The following POLE2 variants were observed in gnomAD, a reference collection of about 807,000 sequenced individuals.
The protein encoded by POLE2 is DNA polymerase epsilon 2, accessory subunit, also known as DNA polymerase epsilon subunit 2.
In POLE2, 56 loss-of-function variants were observed where a neutral mutation model predicts 79.4. The ratio of observed to expected loss-of-function variants is 0.71; its 90% CI spans 0.57 to 0.88. POLE2 has a LOEUF of 0.88. Among genes scored for constraint, POLE2 ranks in the 40% least tolerant of loss-of-function variants. The pLI is 0.00. For missense variants in POLE2, 598 were observed against 638.9 expected, an observed-to-expected ratio of 0.94 and a Z score of 0.69; for synonymous variants, 212 against 214.0, an observed-to-expected ratio of 0.99 and a Z score of 0.08.
intron 1 of POLE2, among the ~76,000 whole-genome samples, chr14:49,685,017 C>A (rs1436422809): frequency 2.0e-5 from 3 of 152,050 alleles, no homozygotes; most frequent in Admixed American, 2.0e-4. Context: ...TAATTCCTTA[C>A]CTAAATCCCA....
At chr14:49,657,886 C>T (rs1418597760) in intron 10 of POLE2, among the ~76,000 whole-genome samples, 1 of 152,066 alleles carries the variant, frequency 6.6e-6, no homozygotes, top group African/African-American at 2.4e-5. Flanking sequence ...ACCAATTTAT[C>T]CTGGTAGATT....
At chr14:49,674,011 T>G in intron 5 of POLE2, 112 bp downstream of exon 5, 1 of 732,080 alleles carries the variant, frequency 1.4e-6, no homozygotes, top group Non-Finnish European at 2.4e-6. Flanking sequence ...TGACCAACTT[T>G]GGACCACAAA....
intron 9 of POLE2, 39 bp downstream of exon 9, chr14:49,664,587 G>C: frequency 7.7e-7 from 1 of 1,290,974 alleles, no homozygotes. Context: ...TTTTACTGGA[G>C]AATGAGAAGA....
intron 3 of POLE2, among the ~76,000 whole-genome samples, chr14:49,678,941 G>A (rs953751373): frequency 1.3e-5 from 2 of 152,156 alleles, no homozygotes; most frequent in Non-Finnish European, 2.9e-5. Flanking sequence ...ACAGGCATAA[G>A]CCACTGCATC....
At chr14:49,663,031 T>C (rs1212262561) in intron 10 of POLE2, among the ~76,000 whole-genome samples, 1 of 152,220 alleles carries the variant, frequency 6.6e-6, no homozygotes, top group Non-Finnish European at 1.5e-5. Flanking sequence ...CTAGTTGTCT[T>C]ATCTCACTTC....
At chr14:49,669,284 T>C (rs925169359) in intron 6 of POLE2, among the ~76,000 whole-genome samples, 33 of 152,068 alleles carry the variant, frequency 2.2e-4, no homozygotes, top group African/African-American at 7.7e-4. Flanking sequence ...GAGGCCAGAG[T>C]GTATCTGGGG....
At chr14:49,655,121 A>G in intron 11 of POLE2, 27 bp from the exon 12 acceptor site, 1 of 1,126,344 alleles carries the variant, frequency 8.9e-7, no homozygotes, top group Non-Finnish European at 1.2e-6. Flanking sequence ...TAAATGAACA[A>G]TACTTTTCTA....
chr14:49,655,964 G>T (rs895620635), intron 10 of POLE2, 121 bp from the exon 11 acceptor site: 14 of 585,980 alleles, frequency 2.4e-5, no homozygotes, highest in Non-Finnish European at 3.0e-5. Flanking sequence ...GGTACTCTTT[G>T]TAACACTTTA....
At chr14:49,677,657 A>G (rs1886381882) in intron 3 of POLE2, 2 of 795,654 alleles carry the variant, frequency 2.5e-6, no homozygotes, top group Admixed American at 2.5e-5. Flanking sequence ...GATATATGCC[A>G]CAATGTTTGG....
At chr14:49,649,346 C>T (rs1314864406) in intron 17 of POLE2, among the ~76,000 whole-genome samples, 1 of 151,280 alleles carries the variant, frequency 6.6e-6, no homozygotes, top group Non-Finnish European at 1.5e-5. Flanking sequence ...CGGGGTTGCA[C>T]CATGTTAGCC....
chr14:49,677,671 A>G, intron 3 of POLE2: 2 of 891,752 alleles, frequency 2.2e-6, no homozygotes, highest in Non-Finnish European at 3.4e-6. Flanking sequence ...TGTTTGGGGA[A>G]GGCCCTTACG....
chr14:49,650,459 A>G lies in POLE2; in HGVS notation c.1321-18T>C. ...TTTACAAACTACAAAAGAGCACAAA[A>G]CAAAGCAAACTTCAGTTCATTTGCA... is the stretch of plus-strand genomic sequence containing the variant. On this transcript the variant is annotated intron_variant, in intron 16 of 18. Coordinates refer to ENST00000216367, the MANE Select transcript of POLE2 (RefSeq NM_002692.4). 7.2e-7 allele frequency: 1 copy of G among 1,380,194 alleles called. No individual in the cohort carries two copies. Among genetic ancestry groups the G allele is most frequent in the Non-Finnish European group, 9.5e-7 (1 of 1,052,732 alleles). 85.5% of individuals were successfully genotyped at this position (1,380,194 alleles called of 1,614,324 possible). A position where few individuals can be genotyped will look rare whatever the true frequency, so the allele number is the denominator to read the frequency against.
At chr14:49,646,693 G>A (rs948020191) in intron 18 of POLE2, 2 of 152,138 alleles carry the variant, frequency 1.3e-5, no homozygotes, top group African/African-American at 4.8e-5. Context: ...ATGTTAGGAT[G>A]CCTGAAATTA....
In POLE2 at chr14:49,679,687, A is replaced by G. The variant is rs373756055; in HGVS notation, c.245+38T>C. On this transcript the variant is annotated intron_variant, in intron 3 of 18. Transcript: ENST00000216367. Reference sequence around the variant, plus strand: ...TAATTAAAAATAAGTGCTCAATAACACCTCCAAGGAGGAAAAAAGTTAACT... The same window carrying G: ...TAATTAAAAATAAGTGCTCAATAACGCCTCCAAGGAGGAAAAAAGTTAACT... 3.4e-4 allele frequency: 349 copies of G among 1,025,558 alleles called. 2 individuals are homozygous for G. The highest frequency in any genetic ancestry group is 3.1e-3 in the Middle Eastern group (15 of 4,854). The allele number at this position is 1,025,558 out of a possible 1,614,324, so 63.5% of individuals were successfully genotyped here.
At chr14:49,668,673 G>A (rs953586251) in intron 6 of POLE2, among the ~76,000 whole-genome samples, 1 of 152,164 alleles carries the variant, frequency 6.6e-6, no homozygotes, top group Non-Finnish European at 1.5e-5. Context: ...GGAGAAAAGG[G>A]AAAAGGCTCC....
chr14:49,656,948 AT>A (rs1884724786), intron 10 of POLE2, among the ~76,000 whole-genome samples: 1 of 152,042 alleles, frequency 6.6e-6, no homozygotes, highest in Non-Finnish European at 1.5e-5. Flanking sequence ...CCCCATCTCT[AT>A]TAAAAATGTG....
At chr14:49,665,936 T>C (rs1305066900) in intron 7 of POLE2, among the ~76,000 whole-genome samples, 1 of 152,234 alleles carries the variant, frequency 6.6e-6, no homozygotes, top group Admixed American at 6.5e-5. Context: ...AAGGAATTCT[T>C]CTGCCTCAGC....
intron 2 of POLE2, 122 bp from the exon 3 acceptor site, chr14:49,679,922 T>C: frequency 1.6e-6 from 1 of 610,150 alleles, no homozygotes. Context: ...TTATACAGTT[T>C]TTGGAGAAAA....
At chr14:49,675,050 A>C (rs1381463907) in intron 3 of POLE2, among the ~76,000 whole-genome samples, 1 of 152,082 alleles carries the variant, frequency 6.6e-6, no homozygotes, top group Non-Finnish European at 1.5e-5. Context: ...ATCTTAAAGA[A>C]ATCTCTCCCT....
Sources: allele counts gnomAD v4.1 joint callset (sites outside exome capture counted in the v4.1 genomes callset), GRCh38; gene constraint gnomAD v4.1.1; transcripts MANE v1.5; gene names NCBI Gene and HGNC (gene_info 2026-07-23, HGNC 2026-07-21).